TRHDE: variants seen among roughly 807,000 people sequenced by gnomAD.
TRHDE encodes the protein thyrotropin-releasing hormone-degrading ectoenzyme.
A neutral mutation model predicts 125.7 loss-of-function variants in TRHDE; 72 were observed. That is an observed-to-expected ratio of 0.57 (90% CI 0.47 to 0.70). TRHDE has a LOEUF of 0.70. Ranked by LOEUF, TRHDE falls within the 30% of genes least tolerant of loss-of-function variation. The probability of loss-of-function intolerance (pLI) is 0.00; values close to 1 mark genes in which losing one functional copy is unlikely to be tolerated. For missense variants in TRHDE, 1,110 were observed against 1,327.1 expected (o/e 0.84, Z 2.54); for synonymous variants, 509 against 509.1 (o/e 1.00, Z 0.00).
intron 2 of TRHDE, among the ~76,000 whole-genome samples, chr12:72,213,221 G>A (rs1346771338): frequency 6.6e-6 from 1 of 151,948 alleles, no homozygotes; most frequent in African/African-American, 2.4e-5. Flanking sequence ...ACTGTTAATG[G>A]GTATTGGTTG....
intron 15 of TRHDE, among the ~76,000 whole-genome samples, chr12:72,651,204 G>A (rs1212536193): frequency 6.6e-6 from 1 of 152,040 alleles, no homozygotes; most frequent in Non-Finnish European, 1.5e-5. Context: ...CCTTTTCTGG[G>A]AACATTAATT....
At chr12:72,194,964 G>T (rs1348705594) in intron 2 of TRHDE, among the ~76,000 whole-genome samples, 1 of 152,066 alleles carries the variant, frequency 6.6e-6, no homozygotes, top group African/African-American at 2.4e-5. Context: ...ATTTTATAAA[G>T]AAAAGAAGTT....
chr12:72,596,343 A>G (rs1335038804), intron 12 of TRHDE, among the ~76,000 whole-genome samples: 2 of 152,250 alleles, frequency 1.3e-5, no homozygotes, highest in South Asian at 4.1e-4. Context: ...AATCATAGCT[A>G]TAAGAAATAC....
At chr12:72,248,641 C>T (rs117650255) in intron 2 of TRHDE, among the ~76,000 whole-genome samples, 1,564 of 152,164 alleles carry the variant, frequency 0.01, 9 homozygotes, top group Admixed American at 0.02. Flanking sequence ...TGTAATGGTT[C>T]TTCTAACTCT....
chr12:72,498,431 A>G (rs1252042377), intron 5 of TRHDE, among the ~76,000 whole-genome samples: 3 of 152,186 alleles, frequency 2.0e-5, no homozygotes, highest in African/African-American at 7.2e-5. Flanking sequence ...GCTCAAAACT[A>G]GGAGACACCA....
At chr12:72,628,510 T>C (rs1873352494) in intron 15 of TRHDE, among the ~76,000 whole-genome samples, 1 of 151,900 alleles carries the variant, frequency 6.6e-6, no homozygotes, top group Non-Finnish European at 1.5e-5. Flanking sequence ...CTAAAAATTT[T>C]GCAAGCTAAT....
chr12:72,518,391 A>G (rs1172814272), intron 6 of TRHDE, among the ~76,000 whole-genome samples: 2 of 150,964 alleles, frequency 1.3e-5, no homozygotes, highest in Non-Finnish European at 2.9e-5. Context: ...TTCCTTTACC[A>G]TTATGTAATG....
intron 2 of TRHDE, among the ~76,000 whole-genome samples, chr12:72,141,502 G>T (rs1363492656): frequency 6.6e-6 from 1 of 152,078 alleles, no homozygotes; most frequent in Non-Finnish European, 1.5e-5. Flanking sequence ...ACCACCAGGG[G>T]GTTCTGAAAT....
At chr12:72,496,759 T>A (rs908793390) in intron 5 of TRHDE, among the ~76,000 whole-genome samples, 3 of 152,156 alleles carry the variant, frequency 2.0e-5, no homozygotes, top group African/African-American at 7.2e-5. Context: ...ATTTTTAAAC[T>A]TTCATAGTTT....
intron 2 of TRHDE, among the ~76,000 whole-genome samples, chr12:72,344,050 A>T (rs1870203209): frequency 6.6e-6 from 1 of 152,020 alleles, no homozygotes; most frequent in Non-Finnish European, 1.5e-5. Context: ...TTTCATGAAC[A>T]TACAGCCAGA....
At chr12:72,147,971 T>C (rs1301584929) in intron 2 of TRHDE, 1 of 152,252 alleles carries the variant, frequency 6.6e-6, no homozygotes, top group Non-Finnish European at 1.5e-5. Flanking sequence ...TAGTGACTTA[T>C]CTTAAACAAT....
chr12:72,334,833 A>C (rs1383075872), intron 2 of TRHDE, among the ~76,000 whole-genome samples: 3 of 152,212 alleles, frequency 2.0e-5, no homozygotes, highest in Non-Finnish European at 2.9e-5. Context: ...AGGAGGGTGC[A>C]ATGATTGAGG....
At chr12:72,417,544 A>T (rs1431663895) in intron 3 of TRHDE, among the ~76,000 whole-genome samples, 1 of 151,882 alleles carries the variant, frequency 6.6e-6, no homozygotes, top group Non-Finnish European at 1.5e-5. Context: ...GGTAATTTTG[A>T]ATTTGATGTT....
Position 72,292,952 on chromosome 12 carries a change from A to G in TRHDE, c.1188+5998A>G, listed in dbSNP as rs192561846. On this transcript the variant is annotated intron_variant, in intron 2 of 18. Coordinates refer to ENST00000261180, the MANE Select transcript of TRHDE (RefSeq NM_013381.3). The stretch of plus-strand genomic sequence containing the variant: ...GGGTTTGGGTGGTACAGAGCAGGGA[A>G]CAACTTATCTCTGCTCCACGATGTC... Among the ~76,000 whole-genome samples, 6 of 152,294 alleles carry G rather than the reference A, an allele frequency of 3.9e-5. No homozygotes were observed. In the East Asian group the frequency reaches 9.7e-4, roughly 25 times the overall value.
chr12:72,657,505 C>T (rs1027980113), intron 18 of TRHDE, among the ~76,000 whole-genome samples: 1 of 152,064 alleles, frequency 6.6e-6, no homozygotes. Flanking sequence ...AATTCTTAAG[C>T]GTAGAAAGGA....
chr12:72,189,483 A>G (rs1034341738), intron 2 of TRHDE, among the ~76,000 whole-genome samples: 20 of 152,192 alleles, frequency 1.3e-4, no homozygotes, highest in African/African-American at 4.8e-4. Context: ...AGGAAGAACT[A>G]CTTTAGTGTT....
At chr12:72,404,757 A>G (rs2135806738) in intron 3 of TRHDE, among the ~76,000 whole-genome samples, 1 of 152,292 alleles carries the variant, frequency 6.6e-6, no homozygotes, top group Admixed American at 6.5e-5. Flanking sequence ...TGGGAGCTAC[A>G]ATTCAATATG....
At chr12:72,585,965 T>A (rs145679035) in intron 12 of TRHDE, among the ~76,000 whole-genome samples, 153 of 152,326 alleles carry the variant, frequency 1.0e-3, no homozygotes, top group African/African-American at 3.3e-3. Flanking sequence ...CTTTAAGTTG[T>A]CTCATTACGA....
intron 2 of TRHDE, among the ~76,000 whole-genome samples, chr12:72,233,421 GAGA>G (rs1200834166): frequency 3.3e-5 from 5 of 152,306 alleles, no homozygotes; most frequent in Middle Eastern, 3.4e-3. Context: ...TGAACATTCA[GAGA>G]AGAAGTGACT....
Sources: gnomAD v4.1 joint callset for allele counts (sites outside exome capture counted in the v4.1 genomes callset) on GRCh38, gnomAD v4.1.1 for gene constraint, MANE v1.5 for transcripts, NCBI Gene and HGNC (gene_info 2026-07-23, HGNC 2026-07-21) for gene names.